NALF1: variants seen among roughly 807,000 people sequenced by gnomAD.
NALF1 encodes the protein family with sequence similarity 155 member A.
A neutral mutation model predicts 48.4 loss-of-function variants in NALF1; 3 were observed. The ratio of observed to expected loss-of-function variants is 0.06; its 90% confidence interval spans 0.03 to 0.16. NALF1 has a LOEUF of 0.16. Ranked by LOEUF, NALF1 falls within the 10% of genes least tolerant of loss-of-function variation. The pLI is 1.00. For missense variants in NALF1, 526 were observed against 571.5 expected, an observed-to-expected ratio of 0.92 and a Z score of 0.81; for synonymous variants, 262 against 245.7, an observed-to-expected ratio of 1.07 and a Z score of -0.62.
chr13:107,772,281 C>T (rs538340298), intron 1 of NALF1, among the ~76,000 whole-genome samples: 1 of 152,030 alleles, frequency 6.6e-6, no homozygotes, highest in African/African-American at 2.4e-5. Context: ...GCCCTGAGTT[C>T]TTTCTTGCGC....
chr13:107,787,260 A>C (rs1441530889), intron 1 of NALF1, among the ~76,000 whole-genome samples: 1 of 152,226 alleles, frequency 6.6e-6, no homozygotes, highest in Non-Finnish European at 1.5e-5. Context: ...TATATGCATA[A>C]ACACTAATTT....
intron 2 of NALF1, among the ~76,000 whole-genome samples, chr13:107,178,795 A>T (rs990540470): frequency 2.0e-5 from 3 of 150,382 alleles, no homozygotes; most frequent in African/African-American, 7.4e-5. Flanking sequence ...TACAAAAAAA[A>T]TTAGCCGGGC....
chr13:107,565,408 A>G (rs1037363753), intron 1 of NALF1, among the ~76,000 whole-genome samples: 2 of 151,712 alleles, frequency 1.3e-5, no homozygotes, highest in Non-Finnish European at 2.9e-5. Flanking sequence ...AAAGTAAAAA[A>G]GATTAAGGAC....
In NALF1 at chr13:107,739,502, C is replaced by A. The variant is rs75082837; in HGVS notation, c.915+126180G>T. On this transcript the variant is annotated intron_variant, in intron 1 of 2. Transcript: ENST00000375915. ...CGGAGTTTTTGATCTATACATTGAA[C>A]AAATTGTCTCACCTACTGATATTGA... Among the ~76,000 whole-genome samples, 442 of 150,856 alleles carry A rather than the reference C, an allele frequency of 2.9e-3. 3 individuals are homozygous for A. Among genetic ancestry groups the A allele is most frequent in the African/African-American group, 0.01 (419 of 41,170 alleles).
chr13:107,555,875 A>G (rs894686098), intron 1 of NALF1, among the ~76,000 whole-genome samples: 3 of 152,118 alleles, frequency 2.0e-5, no homozygotes, highest in Admixed American at 1.3e-4. Flanking sequence ...ATAAAAATCA[A>G]TACCCAGCAA....
At chr13:107,716,451 A>G (rs1432307505) in intron 1 of NALF1, among the ~76,000 whole-genome samples, 2 of 152,142 alleles carry the variant, frequency 1.3e-5, no homozygotes, top group African/African-American at 4.8e-5. Context: ...TTTCCCTCCC[A>G]ATCTCATTTT....
At chr13:107,444,491 C>A (rs1884615828) in intron 1 of NALF1, among the ~76,000 whole-genome samples, 1 of 151,512 alleles carries the variant, frequency 6.6e-6, no homozygotes, top group East Asian at 1.9e-4. Context: ...TATACTTATT[C>A]TATAAATAAG....
At chr13:107,287,438 C>T (rs983300569) in intron 1 of NALF1, among the ~76,000 whole-genome samples, 2 of 152,178 alleles carry the variant, frequency 1.3e-5, no homozygotes, top group Non-Finnish European at 2.9e-5. Context: ...CTCTTCATTA[C>T]CCTCTCAGGA....
intron 1 of NALF1, among the ~76,000 whole-genome samples, chr13:107,794,656 A>C (rs1878359586): frequency 6.6e-6 from 1 of 151,782 alleles, no homozygotes; most frequent in East Asian, 1.9e-4. Flanking sequence ...AAAAAAAAAA[A>C]AACCTATCAT....
chr13:107,699,750 AATTCCAT>A (rs927836941), intron 1 of NALF1, among the ~76,000 whole-genome samples: 2 of 152,150 alleles, frequency 1.3e-5, no homozygotes, highest in African/African-American at 4.8e-5. Flanking sequence ...CAGATGAGAT[AATTCCAT>A]ATGTAGAAAA....
intron 1 of NALF1, among the ~76,000 whole-genome samples, chr13:107,307,653 A>AC (rs1190315716): frequency 2.6e-5 from 4 of 151,246 alleles, no homozygotes; most frequent in Admixed American, 2.6e-4. Context: ...AAAAAAAAAA[A>AC]AAACTTGCTG....
chr13:107,563,733 T>C (rs1221460578), intron 1 of NALF1, among the ~76,000 whole-genome samples: 74 of 152,220 alleles, frequency 4.9e-4, no homozygotes, highest in East Asian at 1.9e-4. Flanking sequence ...ATTACCATTC[T>C]GGTCACTGGC....
intron 1 of NALF1, among the ~76,000 whole-genome samples, chr13:107,277,515 AGAGC>A (rs1296182997): frequency 6.6e-6 from 1 of 152,186 alleles, no homozygotes. Context: ...CAGGCCACGA[AGAGC>A]TATTATCAGT....
intron 1 of NALF1, among the ~76,000 whole-genome samples, chr13:107,736,026 T>G (rs118006064): frequency 4.9e-3 from 746 of 152,322 alleles, no homozygotes; most frequent in Non-Finnish European, 8.5e-3. Context: ...TATTCCTTGC[T>G]AGACTATAAA....
At chr13:107,831,516 A>T (rs945087655) in intron 1 of NALF1, among the ~76,000 whole-genome samples, 1 of 151,936 alleles carries the variant, frequency 6.6e-6, no homozygotes, top group African/African-American at 2.4e-5. Context: ...CAAATAAACT[A>T]TTTTTCTTAA....
At chr13:107,250,044 A>C (rs1880666235) in intron 1 of NALF1, among the ~76,000 whole-genome samples, 1 of 151,502 alleles carries the variant, frequency 6.6e-6, no homozygotes, top group Non-Finnish European at 1.5e-5. Context: ...GTTTTAGAGA[A>C]TCTGTTGATT....
At chr13:107,444,393 G>A (rs930222431) in intron 1 of NALF1, among the ~76,000 whole-genome samples, 2 of 152,146 alleles carry the variant, frequency 1.3e-5, no homozygotes, top group Non-Finnish European at 2.9e-5. Flanking sequence ...CAAATATCAG[G>A]AGATTGTATG....
intron 1 of NALF1, among the ~76,000 whole-genome samples, chr13:107,432,850 G>T (rs1000869180): frequency 2.6e-5 from 4 of 152,090 alleles, no homozygotes; most frequent in African/African-American, 9.7e-5. Flanking sequence ...TTATAATTGT[G>T]TGGCAATAGT....
intron 1 of NALF1, among the ~76,000 whole-genome samples, chr13:107,236,384 A>C (rs74114006): frequency 0.049 from 7,431 of 152,146 alleles, 249 homozygotes; most frequent in Admixed American, 0.1. Flanking sequence ...TTTGGCTGGA[A>C]AGTCACTCTC....
Sources: gnomAD v4.1 joint callset for allele counts (sites outside exome capture counted in the v4.1 genomes callset) on GRCh38, gnomAD v4.1.1 for gene constraint, MANE v1.5 for transcripts, NCBI Gene and HGNC (gene_info 2026-07-23, HGNC 2026-07-21) for gene names.